The following GRID2 variants were observed in gnomAD, a reference collection of about 807,000 sequenced individuals.
The protein encoded by GRID2 is glutamate ionotropic receptor delta type subunit 2, also known as glutamate receptor ionotropic, delta-2.
Under a neutral mutation model 114.8 loss-of-function variants are expected in GRID2, and 33 were observed. The observed-to-expected ratio is 0.29, with a 90% confidence interval of 0.22 to 0.38. GRID2 has a LOEUF of 0.38. GRID2 is among the 10% of genes least tolerant of loss of function. The pLI is 1.00. For missense variants in GRID2, 1,184 were observed against 1,257.7 expected (o/e 0.94, Z 0.89); for synonymous variants, 505 against 449.9 (o/e 1.12, Z -1.55).
chr4:93,012,187 C>T (rs1363116141), intron 2 of GRID2, among the ~76,000 whole-genome samples: 2 of 151,616 alleles, frequency 1.3e-5, no homozygotes, highest in Admixed American at 1.3e-4. Flanking sequence ...ATTATTCTTC[C>T]AATTTTTTCA....
chr4:92,569,194 C>T (rs142982494), intron 1 of GRID2, among the ~76,000 whole-genome samples: 1 of 152,142 alleles, frequency 6.6e-6, no homozygotes, highest in Non-Finnish European at 1.5e-5. Context: ...TATCATTTCA[C>T]TCCCACGTAT....
intron 8 of GRID2, among the ~76,000 whole-genome samples, chr4:93,323,814 G>C (rs1224942483): frequency 6.6e-6 from 1 of 152,142 alleles, no homozygotes; most frequent in Non-Finnish European, 1.5e-5. Flanking sequence ...AAGCAATTGT[G>C]AAAGGGAGTT....
intron 2 of GRID2, among the ~76,000 whole-genome samples, chr4:92,664,097 T>C (rs1396027327): frequency 6.6e-6 from 1 of 151,238 alleles, no homozygotes; most frequent in Non-Finnish European, 1.5e-5. Flanking sequence ...CCATAAGTTG[T>C]ATGGAGAGAC....
intron 1 of GRID2, among the ~76,000 whole-genome samples, chr4:92,527,378 G>GT (rs1725094735): frequency 6.6e-6 from 1 of 152,064 alleles, no homozygotes; most frequent in South Asian, 2.1e-4. Context: ...TGCACCCAGT[G>GT]TATGTTTTAA....
chr4:92,804,697 A>G (rs1339956660), intron 2 of GRID2, among the ~76,000 whole-genome samples: 1 of 152,014 alleles, frequency 6.6e-6, no homozygotes, highest in Non-Finnish European at 1.5e-5. Context: ...AAAAAGTAGC[A>G]AGTATCGTAT....
intron 14 of GRID2, among the ~76,000 whole-genome samples, chr4:93,725,221 A>G (rs1458095414): frequency 1.3e-5 from 2 of 152,218 alleles, no homozygotes; most frequent in East Asian, 3.9e-4. Context: ...CCTGTGAGTG[A>G]GAACATGCGG....
At chr4:93,475,610 A>G (rs1176756209) in intron 11 of GRID2, among the ~76,000 whole-genome samples, 1 of 152,246 alleles carries the variant, frequency 6.6e-6, no homozygotes, top group Middle Eastern at 3.4e-3. Flanking sequence ...AGAACTAATG[A>G]CATACTTATG....
At chr4:93,101,561 A>G (rs1291523938) in intron 3 of GRID2, among the ~76,000 whole-genome samples, 1 of 152,082 alleles carries the variant, frequency 6.6e-6, no homozygotes, top group African/African-American at 2.4e-5. Flanking sequence ...TCTGATTAAA[A>G]GCCTTTTTTG....
At position 92,304,552 on chromosome 4, in the gene GRID2, A is replaced by T; in HGVS notation, c.-105A>T. The T allele has an allele frequency of 1.3e-6, 1 of 756,080 alleles. No individual in the cohort carries two copies. Among genetic ancestry groups the T allele is most frequent in the Non-Finnish European group, 2.3e-6 (1 of 434,646 alleles). 46.8% of individuals were successfully genotyped at this position (756,080 alleles called of 1,614,324 possible). A position where few individuals can be genotyped will look rare whatever the true frequency, so the allele number is the denominator to read the frequency against. ...TGGCAATAGGAATTTAGAAAAAAAGAAAAAGCTGCGCTAAACTCCACCGTG... is the reference window on the plus strand; with the variant it reads ...TGGCAATAGGAATTTAGAAAAAAAGTAAAAGCTGCGCTAAACTCCACCGTG... On this transcript the variant is annotated 5_prime_UTR_variant, in exon 1 of 16. Transcript: ENST00000282020.
intron 1 of GRID2, among the ~76,000 whole-genome samples, chr4:92,371,021 C>T (rs567349965): frequency 6.6e-6 from 1 of 152,086 alleles, no homozygotes; most frequent in African/African-American, 2.4e-5. Flanking sequence ...TAAAACCAGC[C>T]ACAACATTCC....
chr4:92,438,097 T>G (rs1013856223), intron 1 of GRID2, among the ~76,000 whole-genome samples: 1 of 152,214 alleles, frequency 6.6e-6, no homozygotes, highest in African/African-American at 2.4e-5. Context: ...TATTTATGAC[T>G]TTCCATCGTT....
intron 4 of GRID2, among the ~76,000 whole-genome samples, chr4:93,115,091 C>CG (rs1733109676): frequency 7.4e-6 from 1 of 135,596 alleles, no homozygotes; most frequent in African/African-American, 3.0e-5. Flanking sequence ...TCTGTGTGTG[C>CG]TTGTGTGTGT....
At chr4:93,052,907 T>C (rs567808938) in intron 2 of GRID2, among the ~76,000 whole-genome samples, 91 of 151,994 alleles carry the variant, frequency 6.0e-4, no homozygotes, top group African/African-American at 2.1e-3. Flanking sequence ...AGTTAATCAG[T>C]GCTGCATAGG....
intron 1 of GRID2, among the ~76,000 whole-genome samples, chr4:92,356,609 C>T (rs746846583): frequency 2.0e-5 from 3 of 151,368 alleles, no homozygotes; most frequent in Non-Finnish European, 3.0e-5. Context: ...AAGCACATAC[C>T]GCATGTATCT....
chr4:93,168,270 AGAAAG>A (rs1047561758), intron 4 of GRID2, among the ~76,000 whole-genome samples: 3 of 151,830 alleles, frequency 2.0e-5, no homozygotes, highest in African/African-American at 7.3e-5. Context: ...AGAAAGAAAG[AGAAAG>A]GAAAGGAAAG....
At chr4:92,642,469 T>C (rs976630746) in intron 2 of GRID2, among the ~76,000 whole-genome samples, 2 of 151,924 alleles carry the variant, frequency 1.3e-5, no homozygotes, top group Non-Finnish European at 2.9e-5. Flanking sequence ...TTTTCCCATT[T>C]TTAAATGGAG....
intron 13 of GRID2, among the ~76,000 whole-genome samples, chr4:93,566,726 C>T (rs1446402073): frequency 6.6e-6 from 1 of 152,022 alleles, no homozygotes; most frequent in Non-Finnish European, 1.5e-5. Flanking sequence ...GCCAAGCTTG[C>T]CCCTCTGCCC....
intron 2 of GRID2, among the ~76,000 whole-genome samples, chr4:92,688,080 G>A (rs149102070): frequency 6.5e-4 from 56 of 86,298 alleles, no homozygotes; most frequent in African/African-American, 1.9e-3. Context: ...ATGGAGTTTC[G>A]CTCTCGTTGC....
chr4:92,322,588 G>T (rs184908121), intron 1 of GRID2, among the ~76,000 whole-genome samples: 18 of 152,102 alleles, frequency 1.2e-4, no homozygotes, highest in Admixed American at 4.6e-4. Context: ...TGCTGTTGGG[G>T]TGAAAAAGAC....
Sources: gnomAD v4.1 joint callset for allele counts (sites outside exome capture counted in the v4.1 genomes callset) on GRCh38, gnomAD v4.1.1 for gene constraint, MANE v1.5 for transcripts, NCBI Gene and HGNC (gene_info 2026-07-23, HGNC 2026-07-21) for gene names.